Variants in ATP10B observed in about 807,000 individuals in gnomAD.
The protein encoded by ATP10B is phospholipid-transporting ATPase VB.
A neutral mutation model predicts 141.2 loss-of-function variants in ATP10B; 122 were observed. The observed-to-expected ratio is 0.86, with a 90% CI of 0.75 to 1.00. ATP10B has a LOEUF of 1.00. Ranked by LOEUF, ATP10B falls within the 50% of genes least tolerant of loss-of-function variation. The probability of loss-of-function intolerance (pLI) is 0.00; values close to 1 mark genes in which losing one functional copy is unlikely to be tolerated. For synonymous variants in ATP10B, 685 were observed against 692.0 expected, an observed-to-expected ratio of 0.99 and a Z score of 0.16; for missense variants, 1,876 against 1,825.3, an observed-to-expected ratio of 1.03 and a Z score of -0.51.
chr5:160,783,552 A>G (rs950027706), intron 2 of ATP10B, among the ~76,000 whole-genome samples: 2 of 103,462 alleles, frequency 1.9e-5, no homozygotes, highest in Non-Finnish European at 3.9e-5. Context: ...TATATATCAT[A>G]TATATATGAT....
At chr5:160,653,902 ATACGTATATACATATATAAATATGTTG>A (rs1286573633) in intron 7 of ATP10B, among the ~76,000 whole-genome samples, 8 of 51,304 alleles carry the variant, frequency 1.6e-4, no homozygotes, top group African/African-American at 5.9e-4. Flanking sequence ...TATGTAGTAT[ATACGTATATACATATATAAATATGTTG>A]TATATACGTA....
chr5:160,767,982 T>C (rs1769600497), intron 2 of ATP10B, among the ~76,000 whole-genome samples: 1 of 152,122 alleles, frequency 6.6e-6, no homozygotes, highest in Non-Finnish European at 1.5e-5. Context: ...TGTCTCTCAG[T>C]ATTTCTCAGT....
intron 12 of ATP10B, 126 bp downstream of exon 12, chr5:160,634,228 G>A: frequency 7.5e-7 from 1 of 1,338,822 alleles, no homozygotes; most frequent in Non-Finnish European, 1.1e-6. Flanking sequence ...GATACAGGAA[G>A]CAACTTGTGG....
intron 2 of ATP10B, among the ~76,000 whole-genome samples, chr5:160,761,043 C>T (rs73798542): frequency 0.023 from 3,452 of 152,166 alleles, 120 homozygotes; most frequent in African/African-American, 0.078. Context: ...AGATTATATC[C>T]CCCTTCTACT....
At chr5:160,743,612 C>A (rs934637383) in intron 2 of ATP10B, among the ~76,000 whole-genome samples, 3 of 152,088 alleles carry the variant, frequency 2.0e-5, no homozygotes, top group African/African-American at 7.2e-5. Context: ...TGACAACAAA[C>A]CACTATGATC....
At chr5:160,827,654 C>A (rs1038186484) in intron 1 of ATP10B, among the ~76,000 whole-genome samples, 1 of 152,152 alleles carries the variant, frequency 6.6e-6, no homozygotes, top group African/African-American at 2.4e-5. Flanking sequence ...TTTGCCAAAG[C>A]CAATGTTGAG....
chr5:160,814,843 A>G (rs1204421064), intron 1 of ATP10B, among the ~76,000 whole-genome samples: 7 of 152,220 alleles, frequency 4.6e-5, no homozygotes, highest in African/African-American at 1.7e-4. Context: ...ACATTCTTAA[A>G]GAAAAGATTT....
chr5:160,903,360 C>A, the ATP10B span, among the ~76,000 whole-genome samples: 1 of 152,176 alleles, frequency 6.6e-6, no homozygotes, highest in African/African-American at 2.4e-5. Flanking sequence ...CAGTCCCCAG[C>A]TCAGCATCCC....
Position 160,649,097 on chromosome 5 carries a change from G to C in ATP10B, c.761+74C>G, listed in dbSNP as rs1760513027. On this transcript the variant is annotated intron_variant, in intron 8 of 25. Transcript: ENST00000327245. ...TCAGGATGAAGATGCTTATTTGTTT[G>C]GTCATTTCTAGACAATATATTTTCT... is the stretch of plus-strand genomic sequence containing the variant. 4.7e-6 allele frequency: 5 copies of C among 1,068,892 alleles called. No individual in the cohort carries two copies. The South Asian group carries it at 5.7e-5, about 12-fold the overall frequency. The allele number at this position is 1,068,892 out of a possible 1,614,324, so 66.2% of individuals were successfully genotyped here.
intron 2 of ATP10B, among the ~76,000 whole-genome samples, chr5:160,718,770 G>A (rs775201674): frequency 3.3e-5 from 5 of 152,074 alleles, no homozygotes; most frequent in Non-Finnish European, 7.4e-5. Flanking sequence ...AGAGGGATCC[G>A]ACCCCATGGC....
chr5:160,926,746 G>A, the ATP10B span, among the ~76,000 whole-genome samples: 1 of 152,246 alleles, frequency 6.6e-6, no homozygotes, highest in Non-Finnish European at 1.5e-5. Context: ...TAGGCTGAGT[G>A]TTAATTAAAG....
At chr5:160,787,216 T>A (rs12188183) in intron 1 of ATP10B, among the ~76,000 whole-genome samples, 20,312 of 151,716 alleles carry the variant, frequency 0.13, 1,483 homozygotes, top group African/African-American at 0.18. Context: ...AGATTCACAT[T>A]AAAAAATTCC....
intron 6 of ATP10B, among the ~76,000 whole-genome samples, chr5:160,679,836 C>T (rs1763265289): frequency 6.6e-6 from 1 of 152,184 alleles, no homozygotes; most frequent in African/African-American, 2.4e-5. Flanking sequence ...CTCTGTACTG[C>T]ATGTTTTCTG....
At chr5:160,861,973 A>T in the ATP10B span, among the ~76,000 whole-genome samples, 1 of 151,994 alleles carries the variant, frequency 6.6e-6, no homozygotes, top group Non-Finnish European at 1.5e-5. Context: ...ATTTGGACTA[A>T]TAGAAAATAG....
intron 24 of ATP10B, among the ~76,000 whole-genome samples, chr5:160,585,301 A>G (rs1755814137): frequency 1.3e-5 from 2 of 152,228 alleles, no homozygotes; most frequent in African/African-American, 2.4e-5. Flanking sequence ...TTTTATTTTC[A>G]AGAATTCATT....
the ATP10B span, among the ~76,000 whole-genome samples, chr5:160,877,831 A>T: frequency 7.8e-6 from 1 of 128,162 alleles, no homozygotes; most frequent in Non-Finnish European, 1.8e-5. Context: ...CTTACAAGGG[A>T]CATGAAGGAC....
rs761525512 is a variant in ATP10B at position 160,686,291 on chromosome 5, G to A, written c.276-18C>T. 2.6e-6 allele frequency: 4 copies of A among 1,549,048 alleles called. No homozygotes were observed. In the South Asian group the frequency reaches 4.9e-5, roughly 19 times the overall value. On this transcript the variant is annotated intron_variant, in intron 5 of 25. Transcript: ENST00000327245. Reference sequence around the variant, plus strand: ...TAGCCCATCTGGAGGGGCAAGCGAAGTGTGAATAAACACTATGGAGAAGAA... The same window carrying A: ...TAGCCCATCTGGAGGGGCAAGCGAAATGTGAATAAACACTATGGAGAAGAA...
At chr5:160,776,234 A>G (rs1433601649) in intron 2 of ATP10B, among the ~76,000 whole-genome samples, 1 of 152,142 alleles carries the variant, frequency 6.6e-6, no homozygotes, top group Admixed American at 6.5e-5. Flanking sequence ...CATAGGAGGC[A>G]CCCATAAATA....
intron 1 of ATP10B, among the ~76,000 whole-genome samples, chr5:160,838,231 T>C (rs1775585386): frequency 6.6e-6 from 1 of 152,156 alleles, no homozygotes. Flanking sequence ...ATTTTACTCA[T>C]GGGTTCAGAA....
Sources: allele counts gnomAD v4.1 joint callset (sites outside exome capture counted in the v4.1 genomes callset), GRCh38; gene constraint gnomAD v4.1.1; transcripts MANE v1.5; gene names NCBI Gene and HGNC (gene_info 2026-07-23, HGNC 2026-07-21).